The following RAB27A variants were observed in gnomAD, a reference collection of about 807,000 sequenced individuals.
RAB27A encodes ras-related protein Rab-27A.
RAB27A carries 17 observed loss-of-function variants against 20.8 expected under a neutral mutation model. The observed-to-expected ratio is 0.82, with a 90% confidence interval of 0.56 to 1.23. RAB27A has a LOEUF of 1.23. RAB27A is among the 50% of genes most tolerant of loss of function. The pLI is 0.00. For missense variants in RAB27A, 277 were observed against 266.7 expected, an observed-to-expected ratio of 1.04 and a Z score of -0.27; for synonymous variants, 85 against 92.8, an observed-to-expected ratio of 0.92 and a Z score of 0.48.
chr15:55,241,386 T>C (rs1251424053), intron 2 of RAB27A, among the ~76,000 whole-genome samples: 4 of 151,980 alleles, frequency 2.6e-5, no homozygotes, highest in South Asian at 2.1e-4. Flanking sequence ...CCACCCTCAC[T>C]ATCATCAGAT....
chr15:55,310,435 C>A (rs1042569715), intron 2 of RAB27A, among the ~76,000 whole-genome samples: 4 of 152,290 alleles, frequency 2.6e-5, no homozygotes, highest in African/African-American at 7.2e-5. Flanking sequence ...ACTCAGAGGA[C>A]CTTCATCCCC....
At chr15:55,311,143 A>G (rs1566942106) in intron 2 of RAB27A, among the ~76,000 whole-genome samples, 2 of 152,162 alleles carry the variant, frequency 1.3e-5, no homozygotes, top group Non-Finnish European at 2.9e-5. Context: ...GATACCAGAG[A>G]TCGCCAAACT....
intron 2 of RAB27A, among the ~76,000 whole-genome samples, chr15:55,299,201 AAG>A (rs1157885426): frequency 6.6e-6 from 1 of 152,272 alleles, no homozygotes; most frequent in Non-Finnish European, 1.5e-5. Context: ...GAAATTATAA[AAG>A]TATTAATTTG....
intron 2 of RAB27A, among the ~76,000 whole-genome samples, chr15:55,261,229 C>A (rs533997359): frequency 1.3e-5 from 2 of 150,560 alleles, no homozygotes; most frequent in African/African-American, 4.9e-5. Flanking sequence ...AAACCCCCAT[C>A]TCTACTAAAA....
At chr15:55,238,432 A>C (rs1383206531) in intron 2 of RAB27A, 1 of 152,202 alleles carries the variant, frequency 6.6e-6, no homozygotes, top group African/African-American at 2.4e-5. Context: ...TTTGAATCCC[A>C]AATCTCCCAG....
chr15:55,224,324 T>C (rs1895712634), intron 5 of RAB27A, among the ~76,000 whole-genome samples: 1 of 152,240 alleles, frequency 6.6e-6, no homozygotes, highest in South Asian at 2.1e-4. Flanking sequence ...CAAAACACCT[T>C]TCTTTTTTAT....
At chr15:55,224,434 A>G (rs551809415) in intron 5 of RAB27A, among the ~76,000 whole-genome samples, 1 of 152,358 alleles carries the variant, frequency 6.6e-6, no homozygotes, top group East Asian at 1.9e-4. Context: ...TGACATTTCT[A>G]AAAGAATTGT....
chr15:55,283,364 C>T (rs1352994018), intron 1 of RAB27A, among the ~76,000 whole-genome samples: 2 of 149,296 alleles, frequency 1.3e-5, no homozygotes, highest in East Asian at 2.0e-4. Context: ...AGACTAAAAA[C>T]CGACCGACTG....
intron 5 of RAB27A, among the ~76,000 whole-genome samples, chr15:55,227,327 TG>T (rs66529144): frequency 0.69 from 105,524 of 151,926 alleles, 37,612 homozygotes; most frequent in East Asian, 0.91. Flanking sequence ...ATAAAATAGT[TG>T]ATTTTAAAAA....
At chr15:55,206,807 G>C (rs1175389155) in intron 6 of RAB27A, among the ~76,000 whole-genome samples, 3 of 152,040 alleles carry the variant, frequency 2.0e-5, no homozygotes, top group Non-Finnish European at 4.4e-5. Flanking sequence ...TCAAACCACA[G>C]AGAATAAGTT....
rs376250466 is a variant in RAB27A, at chr15:55,306,727, A to C, written c.-112+7312T>G. Among the ~76,000 whole-genome samples, 67 of 152,320 alleles carry C rather than the reference A, an allele frequency of 4.4e-4. 1 individual carries two copies. The East Asian group carries it at 7.0e-3, about 16-fold the overall frequency. On this transcript the variant is annotated intron_variant, in intron 2 of 5. Coordinates refer to the RAB27A transcript ENST00000563262. ...CGGGGTTTCCCTTAGATAAACTCCT[A>C]TACGATGGGGCATCAATATGTCTGG...
At chr15:55,297,826 T>C (rs928114577) in intron 2 of RAB27A, among the ~76,000 whole-genome samples, 1 of 152,140 alleles carries the variant, frequency 6.6e-6, no homozygotes, top group Non-Finnish European at 1.5e-5. Flanking sequence ...TTCTACCAAA[T>C]TGAATCTATG....
chr15:55,282,617 T>A (rs141624005), intron 1 of RAB27A, among the ~76,000 whole-genome samples: 5 of 152,294 alleles, frequency 3.3e-5, no homozygotes, highest in African/African-American at 1.2e-4. Flanking sequence ...TAGACATTCC[T>A]GGCAGCTGCG....
chr15:55,213,537 G>A (rs1400405161), intron 6 of RAB27A, among the ~76,000 whole-genome samples: 3 of 152,186 alleles, frequency 2.0e-5, no homozygotes, highest in African/African-American at 4.8e-5. Context: ...CACAACAGGA[G>A]GTAAGCAGGG....
intron 2 of RAB27A, among the ~76,000 whole-genome samples, chr15:55,301,568 T>C (rs2054972182): frequency 6.6e-6 from 1 of 151,968 alleles, no homozygotes; most frequent in South Asian, 2.1e-4. Context: ...TATGATTTGG[T>C]GGTTTTTAAT....
intron 2 of RAB27A, among the ~76,000 whole-genome samples, chr15:55,304,474 A>T (rs1007833963): frequency 2.8e-5 from 3 of 107,032 alleles, no homozygotes; most frequent in Non-Finnish European, 5.0e-5. Flanking sequence ...AAATAAATTT[A>T]AAAAAAAGAA....
chr15:55,318,929 AC>A lies in RAB27A; in HGVS notation c.-234+1del, dbSNP rs2055095172. On this transcript the variant is annotated splice_donor_variant, in intron 1 of 5. Coordinates refer to the RAB27A transcript ENST00000563262. LOFTEE classifies it low-confidence loss of function (5UTR_SPLICE). ...TACCGTTTTTAATAACCACTCAGGT[AC>A]CTCCGACTGTTCTGCGCCTGCTCCA... 3.5e-6 allele frequency: 1 copy of A among 287,796 alleles called. No homozygotes were observed. 17.8% of individuals were successfully genotyped at this position (287,796 alleles called of 1,614,324 possible).
At chr15:55,303,093 G>GC (rs1033073378) in intron 2 of RAB27A, among the ~76,000 whole-genome samples, 1 of 135,904 alleles carries the variant, frequency 7.4e-6, no homozygotes, top group Non-Finnish European at 1.6e-5. Flanking sequence ...GGGGGGGTCA[G>GC]CCCCCCGCCT....
At chr15:55,300,459 C>A (rs935340628) in intron 2 of RAB27A, among the ~76,000 whole-genome samples, 1 of 152,062 alleles carries the variant, frequency 6.6e-6, no homozygotes, top group Admixed American at 6.5e-5. Flanking sequence ...GTGGGCAGAT[C>A]ACCTGAGGTC....
Sources: gnomAD v4.1 joint callset for allele counts (sites outside exome capture counted in the v4.1 genomes callset) on GRCh38, gnomAD v4.1.1 for gene constraint, MANE v1.5 for transcripts, NCBI Gene and HGNC (gene_info 2026-07-23, HGNC 2026-07-21) for gene names.